Variants in MTTP observed in about 807,000 individuals in gnomAD.
MTTP encodes the protein microsomal triglyceride transfer protein.
In MTTP, 49 loss-of-function variants were observed where a neutral mutation model predicts 90.6. The observed-to-expected ratio is 0.54, with a 90% CI of 0.43 to 0.69. The LOEUF is 0.69. Ranked by LOEUF, MTTP falls within the 30% of genes least tolerant of loss-of-function variation. The pLI, the probability that MTTP is intolerant of heterozygous loss-of-function variation, is 0.00. For synonymous variants in MTTP, 347 were observed against 384.2 expected (o/e 0.90, Z 1.13); for missense variants, 945 against 1,067.5 (o/e 0.89, Z 1.60).
chr4:99,581,825 G>T, intron 1 of MTTP, 80 bp from the exon 2 acceptor site: 1 of 1,414,676 alleles, frequency 7.1e-7, no homozygotes, highest in Non-Finnish European at 1.0e-6. Flanking sequence ...GAGCCCCACT[G>T]TGGTAGAGAG....
intron 1 of MTTP, among the ~76,000 whole-genome samples, chr4:99,578,489 T>G (rs980113318): frequency 2.6e-5 from 4 of 152,192 alleles, no homozygotes; most frequent in African/African-American, 9.6e-5. Context: ...ACAGTCCACC[T>G]TATTTGAACC....
chr4:99,593,927 T>C (rs1725488013), intron 6 of MTTP, among the ~76,000 whole-genome samples: 6 of 152,204 alleles, frequency 3.9e-5, no homozygotes, highest in Admixed American at 3.9e-4. Context: ...TCTGTCATAA[T>C]TTACAGGCTT....
intron 10 of MTTP, among the ~76,000 whole-genome samples, chr4:99,605,920 T>C (rs955840635): frequency 6.6e-5 from 10 of 152,044 alleles, no homozygotes; most frequent in African/African-American, 2.2e-4. Context: ...TGTGTGCTTG[T>C]AGCCTAATTT....
chr4:99,589,575 C>T lies in MTTP; in HGVS notation c.394-68C>T, dbSNP rs530075221. ...CAGGTAAGAATCTGACCTTGCCTGA[C>T]ACTTATTTAAATCTGATAAATGATG... On this transcript the variant is annotated intron_variant, in intron 3 of 17. Transcript: ENST00000265517. The T allele has an allele frequency of 3.0e-4, 270 of 895,518 alleles. 4 individuals are homozygous for T. The South Asian group carries it at 3.4e-3, about 11-fold the overall frequency. 55.5% of individuals were successfully genotyped at this position (895,518 alleles called of 1,614,324 possible).
intron 17 of MTTP, 88 bp downstream of exon 17, chr4:99,621,319 T>A: frequency 1.3e-6 from 2 of 1,489,666 alleles, no homozygotes; most frequent in Non-Finnish European, 1.9e-6. Flanking sequence ...GTTTCAGAAT[T>A]AAAACAAAAC....
chr4:99,591,178 A>G, intron 4 of MTTP, 57 bp from the exon 5 acceptor site: 1 of 1,281,568 alleles, frequency 7.8e-7, no homozygotes, highest in South Asian at 1.2e-5. Flanking sequence ...ACTTCTCACT[A>G]GAATTCAAAT....
At chr4:99,585,066 C>T (rs190278103) in intron 3 of MTTP, among the ~76,000 whole-genome samples, 8 of 152,192 alleles carry the variant, frequency 5.3e-5, no homozygotes, top group East Asian at 1.9e-4. Context: ...GCACCTTGCT[C>T]ATAGGGGATA....
chr4:99,591,183 T>C (rs1448223809), intron 4 of MTTP, 52 bp from the exon 5 acceptor site: 1 of 1,348,200 alleles, frequency 7.4e-7, no homozygotes, highest in Non-Finnish European at 1.1e-6. Flanking sequence ...TCACTAGAAT[T>C]CAAATGGCCC....
At chr4:99,618,894 G>A (rs1391598197) in intron 15 of MTTP, 80 bp from the exon 16 acceptor site, 2 of 1,556,244 alleles carry the variant, frequency 1.3e-6, no homozygotes, top group Non-Finnish European at 1.8e-6. Flanking sequence ...ACAGCAGGAG[G>A]TCAAATGTGC....
intron 1 of MTTP, among the ~76,000 whole-genome samples, chr4:99,567,195 A>G (rs1238240283): frequency 6.6e-6 from 1 of 152,238 alleles, no homozygotes; most frequent in Non-Finnish European, 1.5e-5. Context: ...CACGTAATAT[A>G]TGAATATTGA....
chr4:99,594,680 T>G (rs1725507102), intron 6 of MTTP, 53 bp from the exon 7 acceptor site: 21 of 1,599,238 alleles, frequency 1.3e-5, no homozygotes, highest in Non-Finnish European at 1.6e-5. Context: ...ATTAGTATCT[T>G]GTTCACTCAA....
chr4:99,600,192 A>C (rs1431236901), intron 8 of MTTP, among the ~76,000 whole-genome samples: 3 of 152,162 alleles, frequency 2.0e-5, no homozygotes, highest in Non-Finnish European at 4.4e-5. Context: ...AAAGAGAATA[A>C]ATTTGGGGAC....
intron 14 of MTTP, among the ~76,000 whole-genome samples, chr4:99,612,667 C>T (rs1725989484): frequency 6.6e-6 from 1 of 151,996 alleles, no homozygotes; most frequent in Admixed American, 6.6e-5. Context: ...ACTTTTTTTG[C>T]CTCATCTACA....
At chr4:99,575,583 C>T (rs1238713710) in intron 1 of MTTP, among the ~76,000 whole-genome samples, 1 of 152,044 alleles carries the variant, frequency 6.6e-6, no homozygotes, top group East Asian at 1.9e-4. Context: ...AATGTTGCTA[C>T]TTACAGTTTC....
At chr4:99,591,861 G>C in intron 6 of MTTP, 71 bp downstream of exon 6, 1 of 1,369,520 alleles carries the variant, frequency 7.3e-7, no homozygotes, top group Non-Finnish European at 1.0e-6. Context: ...TTTGTAAATA[G>C]ATCTGTGTTT....
chr4:99,616,927 G>A (rs1415814458), intron 15 of MTTP, among the ~76,000 whole-genome samples: 2 of 152,168 alleles, frequency 1.3e-5, no homozygotes, highest in African/African-American at 2.4e-5. Context: ...TTGGTGGGAA[G>A]GCCAAGATCC....
chr4:99,585,597 T>C (rs941805986), intron 3 of MTTP, among the ~76,000 whole-genome samples: 4 of 152,160 alleles, frequency 2.6e-5, no homozygotes, highest in African/African-American at 9.6e-5. Flanking sequence ...CTTGAGTTCA[T>C]AGATATTATT....
At chr4:99,578,350 C>T (rs970319446) in intron 1 of MTTP, among the ~76,000 whole-genome samples, 1 of 152,156 alleles carries the variant, frequency 6.6e-6, no homozygotes, top group African/African-American at 2.4e-5. Context: ...AGAGCACTAT[C>T]CTACAAAAGG....
intron 11 of MTTP, among the ~76,000 whole-genome samples, chr4:99,608,451 A>G (rs1725872315): frequency 6.6e-6 from 1 of 152,208 alleles, no homozygotes; most frequent in African/African-American, 2.4e-5. Flanking sequence ...CCTCAAAAAA[A>G]AAATGTTTAT....
Sources: allele counts gnomAD v4.1 joint callset (sites outside exome capture counted in the v4.1 genomes callset), GRCh38; gene constraint gnomAD v4.1.1; transcripts MANE v1.5; gene names NCBI Gene and HGNC (gene_info 2026-07-23, HGNC 2026-07-21).